Variants in PPIE observed in about 807,000 individuals in gnomAD.
The protein encoded by PPIE is peptidylprolyl isomerase E, also known as peptidyl-prolyl cis-trans isomerase E.
In PPIE, 20 loss-of-function variants were observed where a neutral mutation model predicts 38.4. The ratio of observed to expected loss-of-function variants is 0.52; its 90% CI spans 0.37 to 0.76. PPIE has a LOEUF of 0.76. Ranked by LOEUF, PPIE falls within the 30% of genes least tolerant of loss-of-function variation. PPIE has a pLI of 0.00. For missense variants in PPIE, 322 were observed against 385.8 expected (o/e 0.83, Z 1.39); for synonymous variants, 142 against 135.7 (o/e 1.05, Z -0.32).
intron 7 of PPIE, chr1:39,746,311 T>A (rs921758781): frequency 1.3e-5 from 2 of 152,232 alleles, no homozygotes; most frequent in African/African-American, 4.8e-5. Context: ...GATAATTGCC[T>A]TGTTTTTGCA....
intron 7 of PPIE, chr1:39,748,310 G>GA (rs1647337754): frequency 6.6e-6 from 1 of 152,184 alleles, no homozygotes; most frequent in African/African-American, 2.4e-5. Context: ...CCAGAGTCAT[G>GA]AAGATTTGCC....
intron 4 of PPIE, chr1:39,743,013 G>T: frequency 1.9e-6 from 1 of 517,384 alleles, no homozygotes; most frequent in African/African-American, 1.9e-5. Context: ...GGTAATACAG[G>T]TCTTTGTGTG....
chr1:39,747,090 T>C (rs767266125), intron 7 of PPIE: 4 of 152,172 alleles, frequency 2.6e-5, no homozygotes, highest in Non-Finnish European at 5.9e-5. Context: ...TGATTTTGCA[T>C]AGCATAATGC....
chr1:39,749,407 G>A (rs1048455473), intron 8 of PPIE, among the ~76,000 whole-genome samples: 14 of 152,128 alleles, frequency 9.2e-5, no homozygotes, highest in Admixed American at 5.2e-4. Context: ...GTAAAATCTC[G>A]GTGGTTAGTC....
At chr1:39,760,489 T>C (rs1648794870), downstream of PPIE, 1 of 1,614,014 alleles carries the variant, frequency 6.2e-7, no homozygotes, top group Admixed American at 1.7e-5. Context: ...GCTGCTGTCA[T>C]AGTAGAGCAC....
intron 5 of PPIE, 23 bp from the exon 6 acceptor site, chr1:39,743,800 AT>A (rs780910619): frequency 6.3e-7 from 1 of 1,588,212 alleles, no homozygotes; most frequent in Non-Finnish European, 8.6e-7. Context: ...TTGAATGAAC[AT>A]TTGTTTGATT....
chr1:39,760,770 C>T (rs1252188653), downstream of PPIE, among the ~76,000 whole-genome samples: 3 of 152,136 alleles, frequency 2.0e-5, no homozygotes, highest in Non-Finnish European at 4.4e-5. Flanking sequence ...CACGCAGTGC[C>T]CAGGGAGGGA....
rs747770766 is a variant in PPIE, at chr1:39,754,823, A to G, written c.*1468A>G. Among the ~76,000 whole-genome samples the G allele has an allele frequency of 6.6e-6, 1 of 152,084 alleles. No homozygotes were observed. Among genetic ancestry groups the G allele is most frequent in the Non-Finnish European group, 1.5e-5 (1 of 68,008 alleles). On this transcript the variant is annotated 3_prime_UTR_variant, in exon 10 of 10. Transcript: ENST00000324379. Reference sequence around the variant, plus strand: ...CAGTCAGCCATGGTCATGCCACTGTACTCCAGCCTGGGTGACAAGAGGGAG... The same window carrying G: ...CAGTCAGCCATGGTCATGCCACTGTGCTCCAGCCTGGGTGACAAGAGGGAG...
chr1:39,753,628 T>C lies in PPIE; in HGVS notation c.*273T>C. On this transcript the variant is annotated 3_prime_UTR_variant, in exon 10 of 10. Transcript: ENST00000324379. ...GCCACTGGCTTTTCTCAGCATTTGC[T>C]GCTGGGCCTCTCCTGGGACTACCAG... 7.6e-7 allele frequency: 1 copy of C among 1,307,764 alleles called. No individual in the cohort carries two copies. Among genetic ancestry groups the C allele is most frequent in the East Asian group, 3.2e-5 (1 of 31,174 alleles). The allele number at this position is 1,307,764 out of a possible 1,614,324, so 81.0% of individuals were successfully genotyped here.
At chr1:39,751,561 T>C (rs1647736948) in intron 8 of PPIE, among the ~76,000 whole-genome samples, 5 of 152,140 alleles carry the variant, frequency 3.3e-5, no homozygotes, top group Admixed American at 2.6e-4. Context: ...GGTTTCATTA[T>C]ATTGCTCAGG....
Position 39,754,148 on chromosome 1 carries a change from T to C in PPIE, c.*793T>C, listed in dbSNP as rs1265940974. On this transcript the variant is annotated 3_prime_UTR_variant, in exon 10 of 10. Transcript: ENST00000324379. ...CACTGCCTGTTTTTATGAATCAGGTTTTATTGGAACACAGCCACGTCCATT... is the reference window on the plus strand; with the variant it reads ...CACTGCCTGTTTTTATGAATCAGGTCTTATTGGAACACAGCCACGTCCATT... 3.4e-6 allele frequency: 3 copies of C among 879,108 alleles called. No individual in the cohort carries two copies. In the African/African-American group the frequency reaches 5.5e-5, roughly 16 times the overall value. 54.5% of individuals were successfully genotyped at this position (879,108 alleles called of 1,614,324 possible). A position where few individuals can be genotyped will look rare whatever the true frequency, so the allele number is the denominator to read the frequency against.
chr1:39,740,293 C>A, intron 2 of PPIE, 30 bp downstream of exon 2: 1 of 1,545,214 alleles, frequency 6.5e-7, no homozygotes, highest in Non-Finnish European at 8.9e-7. Flanking sequence ...GTTCAGAATC[C>A]TCTTACTAGG....
At chr1:39,758,978 G>A (rs1297452477), downstream of PPIE, 2 of 152,304 alleles carry the variant, frequency 1.3e-5, no homozygotes, top group African/African-American at 2.4e-5. Context: ...TTGGGCCCAT[G>A]GGGAGGTGGA....
At chr1:39,744,743 C>T (rs192970764) in intron 6 of PPIE, among the ~76,000 whole-genome samples, 7 of 152,190 alleles carry the variant, frequency 4.6e-5, no homozygotes, top group Non-Finnish European at 1.0e-4. Context: ...CATTGACCCA[C>T]GCCAGAAATT....
chr1:39,745,647 C>T (rs1477330221), intron 7 of PPIE, 149 bp downstream of exon 7: 5 of 1,256,338 alleles, frequency 4.0e-6, no homozygotes, highest in Non-Finnish European at 4.4e-6. Flanking sequence ...GATCTAGTAA[C>T]AGATAAGTCA....
At chr1:39,753,091 C>T in intron 9 of PPIE, 39 bp downstream of exon 9, 1 of 1,612,844 alleles carries the variant, frequency 6.2e-7, no homozygotes, top group Non-Finnish European at 8.5e-7. Context: ...TACCCAGGCC[C>T]TAGGAGCACA....
intron 6 of PPIE, among the ~76,000 whole-genome samples, chr1:39,745,174 T>G (rs1647161561): frequency 6.6e-6 from 1 of 152,206 alleles, no homozygotes; most frequent in Admixed American, 6.5e-5. Flanking sequence ...TGCTGAGACC[T>G]CCTGTCGCTG....
intron 9 of PPIE, chr1:39,763,539 C>CA (rs113575841): frequency 0.031 from 26,908 of 867,616 alleles, 40 homozygotes; most frequent in South Asian, 0.036. Flanking sequence ...AAAAACTGAA[C>CA]AAAAAAAAAA....
chr1:39,742,099 T>C, intron 4 of PPIE, 178 bp downstream of exon 4: 2 of 618,268 alleles, frequency 3.2e-6, no homozygotes, highest in South Asian at 2.1e-5. Flanking sequence ...TTACTCAGAC[T>C]CCTTCGCCAT....
Sources: allele counts gnomAD v4.1 joint callset (sites outside exome capture counted in the v4.1 genomes callset), GRCh38; gene constraint gnomAD v4.1.1; transcripts MANE v1.5; gene names NCBI Gene and HGNC (gene_info 2026-07-23, HGNC 2026-07-21).